NELL1: variants seen among roughly 807,000 people sequenced by gnomAD.
The protein encoded by NELL1 is neural EGFL like 1, also known as protein kinase C-binding protein NELL1.
In NELL1, 76 loss-of-function variants were observed where a neutral mutation model predicts 107.4. The ratio of observed to expected loss-of-function variants is 0.71; its 90% CI spans 0.59 to 0.86. The LOEUF (loss-of-function observed/expected upper bound fraction) is 0.86, where lower values mean the gene tolerates loss of function less well. NELL1 is among the 40% of genes least tolerant of loss of function. The probability of loss-of-function intolerance (pLI) is 0.00; values close to 1 mark genes in which losing one functional copy is unlikely to be tolerated. For synonymous variants in NELL1, 353 were observed against 341.2 expected, an observed-to-expected ratio of 1.03 and a Z score of -0.38; for missense variants, 1,024 against 1,005.5, an observed-to-expected ratio of 1.02 and a Z score of -0.25.
At chr11:21,436,289 G>C (rs559068254) in intron 15 of NELL1, among the ~76,000 whole-genome samples, 3 of 152,082 alleles carry the variant, frequency 2.0e-5, no homozygotes, top group Admixed American at 6.5e-5. Context: ...TCTTGACCTC[G>C]TGGTCAGCCC....
intron 15 of NELL1, among the ~76,000 whole-genome samples, chr11:21,500,188 A>G (rs1855098888): frequency 6.6e-6 from 1 of 152,106 alleles, no homozygotes; most frequent in Non-Finnish European, 1.5e-5. Flanking sequence ...TGTAGCCTCT[A>G]GTTCACCAGA....
In NELL1 at chr11:21,316,295, A is replaced by T. The variant is rs1356036773; in HGVS notation, c.1550-54558A>T. ...GACATCACACCGTCAAAGCTTTTTT[A>T]AAACACGAGATGATAGGCTTGGTTT... On this transcript the variant is annotated intron_variant, in intron 14 of 19. Transcript: ENST00000357134. 2.0e-5 allele frequency among the ~76,000 whole-genome samples: 3 copies of T among 152,186 alleles called. No homozygotes were observed. The East Asian group carries it at 5.8e-4, about 29-fold the overall frequency.
intron 14 of NELL1, among the ~76,000 whole-genome samples, chr11:21,295,350 A>T (rs1341480685): frequency 6.6e-6 from 1 of 152,116 alleles, no homozygotes; most frequent in African/African-American, 2.4e-5. Context: ...GACAAACGAG[A>T]TCATTTGGTA....
chr11:21,233,179 G>A (rs1218390199), intron 14 of NELL1, among the ~76,000 whole-genome samples: 1 of 152,138 alleles, frequency 6.6e-6, no homozygotes, highest in Non-Finnish European at 1.5e-5. Context: ...CTTTTGGATG[G>A]AAAATACTTG....
Position 21,022,756 on chromosome 11 carries a change from A to T in NELL1, c.1300+62196A>T, listed in dbSNP as rs185846142. 1.2e-4 allele frequency among the ~76,000 whole-genome samples: 18 copies of T among 152,258 alleles called. 1 individual carries two copies. In the East Asian group the frequency reaches 3.5e-3, roughly 29 times the overall value. On this transcript the variant is annotated intron_variant, in intron 12 of 19. Transcript: ENST00000357134. ...CCTCCTATATTTCTATCTCTAGAAA[A>T]TAGAGATAATAAACTGAACACAAAG...
chr11:21,388,760 C>T (rs1234316789), intron 15 of NELL1, among the ~76,000 whole-genome samples: 2 of 151,788 alleles, frequency 1.3e-5, no homozygotes, highest in East Asian at 3.9e-4. Context: ...AAAATCCCCA[C>T]ATGTTAAGGT....
At chr11:20,786,995 G>C (rs1285269977) in intron 3 of NELL1, among the ~76,000 whole-genome samples, 19 of 102,612 alleles carry the variant, frequency 1.9e-4, no homozygotes, top group Non-Finnish European at 1.7e-4. Context: ...GCGAAAGAGC[G>C]AGACTCCGTC....
intron 12 of NELL1, among the ~76,000 whole-genome samples, chr11:20,982,979 A>G (rs983134893): frequency 2.0e-5 from 3 of 152,256 alleles, no homozygotes; most frequent in Admixed American, 2.0e-4. Context: ...AGATCTATTT[A>G]TTACGTTATT....
chr11:21,553,638 T>A lies in NELL1; in HGVS notation c.1787-6551T>A, dbSNP rs373639474. On this transcript the variant is annotated intron_variant, in intron 16 of 19. Coordinates refer to ENST00000357134, the MANE Select transcript of NELL1 (RefSeq NM_006157.5). ...GCCTGGGGCCATCCAAAAGCAAGGG[T>A]TCTTTTTCAACCACAGCTCCACCAA... Among the ~76,000 whole-genome samples the A allele has an allele frequency of 1.4e-4, 22 of 151,866 alleles. 1 individual carries two copies. Among genetic ancestry groups the A allele is most frequent in the African/African-American group, 5.3e-4 (22 of 41,504 alleles).
At chr11:21,111,531 A>G (rs1339726701) in intron 12 of NELL1, among the ~76,000 whole-genome samples, 1 of 152,106 alleles carries the variant, frequency 6.6e-6, no homozygotes, top group African/African-American at 2.4e-5. Flanking sequence ...AGCTCATGCA[A>G]CAGGTATATG....
rs138709904 is a variant in NELL1 at position 21,535,467 on chromosome 11, G to A, written c.1786+953G>A. On this transcript the variant is annotated intron_variant, in intron 16 of 19. Transcript: ENST00000357134. The stretch of plus-strand genomic sequence containing the variant: ...AAAGGCTGCTGCTGAGATATAGTCA[G>A]TGTTTTTTCAACTTCTCCACTGATG... Among the ~76,000 whole-genome samples, 1,453 of 152,268 alleles carry A rather than the reference G, an allele frequency of 9.5e-3. 21 individuals carry two copies. The highest frequency in any genetic ancestry group is 0.033 in the African/African-American group (1,385 of 41,564).
intron 13 of NELL1, among the ~76,000 whole-genome samples, chr11:21,169,270 T>G (rs1856551863): frequency 6.6e-6 from 1 of 151,862 alleles, no homozygotes; most frequent in Non-Finnish European, 1.5e-5. Context: ...GGTACTCTCC[T>G]GTTTTATTCT....
chr11:21,469,625 A>C (rs2133884244), intron 15 of NELL1, among the ~76,000 whole-genome samples: 1 of 152,230 alleles, frequency 6.6e-6, no homozygotes, highest in South Asian at 2.1e-4. Context: ...AATAGGAATT[A>C]AAGACCATCT....
intron 15 of NELL1, among the ~76,000 whole-genome samples, chr11:21,521,255 T>C (rs1468424143): frequency 1.3e-5 from 2 of 152,246 alleles, no homozygotes; most frequent in Middle Eastern, 3.2e-3. Flanking sequence ...CTTTAATTCA[T>C]TGGCTTTTGG....
intron 14 of NELL1, among the ~76,000 whole-genome samples, chr11:21,335,148 A>G (rs1255256497): frequency 6.6e-6 from 1 of 152,078 alleles, no homozygotes; most frequent in Non-Finnish European, 1.5e-5. Flanking sequence ...AAAAGTTGAA[A>G]TGTTTTAAAA....
At chr11:20,990,913 C>T (rs999805591) in intron 12 of NELL1, among the ~76,000 whole-genome samples, 6 of 152,126 alleles carry the variant, frequency 3.9e-5, no homozygotes, top group Non-Finnish European at 7.3e-5. Context: ...GGCTCTTGAC[C>T]CCAGGTGCTT....
intron 12 of NELL1, among the ~76,000 whole-genome samples, chr11:21,075,956 T>C (rs957346101): frequency 3.3e-5 from 5 of 152,246 alleles, no homozygotes; most frequent in Admixed American, 6.5e-5. Flanking sequence ...AACCTCTAAC[T>C]ATGAATCTCT....
chr11:20,995,530 A>T (rs1374297003), intron 12 of NELL1, among the ~76,000 whole-genome samples: 3 of 152,104 alleles, frequency 2.0e-5, no homozygotes, highest in Admixed American at 1.3e-4. Context: ...GTGAGCAGAG[A>T]TCGCACCACT....
chr11:20,732,888 A>C (rs1036322839), intron 2 of NELL1, among the ~76,000 whole-genome samples: 4 of 152,180 alleles, frequency 2.6e-5, no homozygotes, highest in Admixed American at 2.6e-4. Flanking sequence ...TTGAAATGCC[A>C]GGTACCATTC....
Sources: gnomAD v4.1 joint callset for allele counts (sites outside exome capture counted in the v4.1 genomes callset) on GRCh38, gnomAD v4.1.1 for gene constraint, MANE v1.5 for transcripts, NCBI Gene and HGNC (gene_info 2026-07-23, HGNC 2026-07-21) for gene names.